Variants in SLC12A5 observed in about 807,000 individuals in gnomAD.
SLC12A5 encodes the protein solute carrier family 12 member 5.
Under a neutral mutation model 124.0 loss-of-function variants are expected in SLC12A5, and 18 were observed. The observed-to-expected ratio is 0.15, with a 90% CI of 0.10 to 0.22. SLC12A5 has a LOEUF of 0.22. Ranked by LOEUF, SLC12A5 falls within the 10% of genes least tolerant of loss-of-function variation. SLC12A5 has a pLI of 1.00. For missense variants in SLC12A5, 867 were observed against 1,478.7 expected (o/e 0.59, Z 6.78); for synonymous variants, 589 against 568.0 (o/e 1.04, Z -0.53).
In SLC12A5 at chr20:46,057,838, G is replaced by T. The variant is rs2084711428; in HGVS notation, c.*233G>T. On this transcript the variant is annotated 3_prime_UTR_variant, in exon 26 of 26. Coordinates refer to ENST00000243964, the MANE Select transcript of SLC12A5 (RefSeq NM_020708.5). This position sits in a 1 kb window ranked among gnomAD's most constrained non-coding sequence, Gnocchi z 7.1. ...CCAGTTTGGCCCCTGGGTCTTCGCT[G>T]CCCTTTTTCTAAGCCCGGCCTCGTC... The T allele has an allele frequency of 6.3e-6, 3 of 472,800 alleles. No individual in the cohort carries two copies. Among genetic ancestry groups the T allele is most frequent in the Non-Finnish European group, 1.1e-5 (3 of 270,138 alleles). 29.3% of individuals were successfully genotyped at this position (472,800 alleles called of 1,614,324 possible). A position where few individuals can be genotyped will look rare whatever the true frequency, so the allele number is the denominator to read the frequency against.
intron 4 of SLC12A5, among the ~76,000 whole-genome samples, chr20:46,036,388 T>A (rs556975441): frequency 6.6e-6 from 1 of 152,322 alleles, no homozygotes; most frequent in East Asian, 1.9e-4. Context: ...CAGCTCTGCA[T>A]GTGAGGTACG....
At chr20:46,049,919 C>T in intron 17 of SLC12A5, 129 bp downstream of exon 17, 1 of 1,211,442 alleles carries the variant, frequency 8.3e-7, no homozygotes, top group South Asian at 1.6e-5. Flanking sequence ...TTTTCTTTTC[C>T]TTAGAGGAAG....
chr20:46,022,897 G>T (rs1453998980), intron 1 of SLC12A5: 5 of 396,038 alleles, frequency 1.3e-5, no homozygotes, highest in African/African-American at 2.1e-5. Flanking sequence ...GAGGCCCTCG[G>T]GTCTGGAAGG....
At chr20:46,044,487 T>C (rs537764887) in intron 11 of SLC12A5, among the ~76,000 whole-genome samples, 40 of 152,338 alleles carry the variant, frequency 2.6e-4, no homozygotes, top group African/African-American at 9.6e-4. Flanking sequence ...TTATCCTTCC[T>C]GCTTTTAAGG....
chr20:46,027,968 G>A (rs1568854984), upstream of SLC12A5, among the ~76,000 whole-genome samples: 1 of 152,184 alleles, frequency 6.6e-6, no homozygotes, highest in Non-Finnish European at 1.5e-5. Context: ...GCTAGTACCA[G>A]TGTGAAGATT....
At chr20:46,023,383 C>A (rs192344036) in exon 3 of SLC12A5, 336 of 398,742 alleles carry the variant, frequency 8.4e-4, no homozygotes, top group Non-Finnish European at 1.3e-3. Context: ...TCCAACTGAT[C>A]CCCACGTCTT....
At chr20:46,021,846 G>A in exon 1 of SLC12A5, 5 of 1,532,706 alleles carry the variant, frequency 3.3e-6, no homozygotes, top group Admixed American at 2.0e-5. Flanking sequence ...GCCGGCATTC[G>A]GTCGCAGACC....
intron 11 of SLC12A5, among the ~76,000 whole-genome samples, chr20:46,044,580 C>T (rs950961231): frequency 6.6e-6 from 1 of 152,120 alleles, no homozygotes. Context: ...TGTGCGCATG[C>T]CTGCAGCTGT....
chr20:46,030,965 G>A (rs554616067), intron 1 of SLC12A5, among the ~76,000 whole-genome samples: 15 of 152,138 alleles, frequency 9.9e-5, no homozygotes, highest in Non-Finnish European at 1.8e-4. Flanking sequence ...CTGGCCGGAG[G>A]GGGAGGGGGT....
At chr20:46,041,003 T>A in intron 7 of SLC12A5, 1 of 394,934 alleles carries the variant, frequency 2.5e-6, no homozygotes, top group Non-Finnish European at 4.7e-6. Context: ...GACACAGAAG[T>A]CTACAGGGTC....
At chr20:46,022,087 C>A in intron 1 of SLC12A5, 1 of 618,162 alleles carries the variant, frequency 1.6e-6, no homozygotes, top group Non-Finnish European at 2.5e-6. Context: ...GGGGGAGGGG[C>A]CAAACGCGAG....
rs772134770 is a variant in SLC12A5 at position 46,035,481 on chromosome 20, T to C, written c.225T>C (p.Ser75=). The C allele has an allele frequency of 6.2e-6, 10 of 1,610,512 alleles. No homozygotes were observed. In the South Asian group the frequency reaches 1.1e-4, roughly 18 times the overall value. The change falls in exon 3 of 26, where the codon AGT becomes AGC. Residue 75 remains serine, a synonymous_variant. Transcript: ENST00000243964. ...LANYTNLPQG[S]REHEEAENNE... ...ACTACACCAACCTGCCCCAGGGAAG[T>C]AGGGAGCATGAAGAGGCAGAAAACA...
At chr20:46,042,044 C>A (rs2084552829) in intron 8 of SLC12A5, among the ~76,000 whole-genome samples, 1 of 152,164 alleles carries the variant, frequency 6.6e-6, no homozygotes, top group East Asian at 1.9e-4. Context: ...GAAATTGCAA[C>A]CAGAAGAACA....
In SLC12A5 at chr20:46,043,313, C is replaced by T. The variant is rs2084564294; in HGVS notation, c.1227C>T (p.Pro409=). ...CCCTGCTGGTTGGCATCTACTTCCCCTCAGTCACAGGTGAAGGGGAGCTCA... is the reference window on the plus strand; with the variant it reads ...CCCTGCTGGTTGGCATCTACTTCCCTTCAGTCACAGGTGAAGGGGAGCTCA... ...YFTLLVGIYF[P]SVTGIMAGSN... is the part of the protein sequence containing the mutation. The change falls in exon 9 of 26, where the codon CCC becomes CCT. Residue 409 remains proline (P), a synonymous_variant. Coordinates refer to ENST00000243964, the MANE Select transcript of SLC12A5 (RefSeq NM_020708.5). 3 of 1,613,936 alleles carry T rather than the reference C, an allele frequency of 1.9e-6. No homozygotes were observed. The highest frequency in any genetic ancestry group is 1.3e-5 in the African/African-American group (1 of 74,920).
At chr20:46,037,953 A>G (rs1000215395) in intron 6 of SLC12A5, among the ~76,000 whole-genome samples, 2 of 152,182 alleles carry the variant, frequency 1.3e-5, no homozygotes, top group African/African-American at 4.8e-5. Context: ...TCTGTTGGGA[A>G]TAGTGACTGA....
upstream of SLC12A5, chr20:46,027,533 T>A (rs1377736294): frequency 6.6e-6 from 1 of 152,222 alleles, no homozygotes; most frequent in Non-Finnish European, 1.5e-5. Context: ...TTCTGGAGGC[T>A]TCCCCTTCAG....
intron 4 of SLC12A5, 58 bp from the exon 5 acceptor site, chr20:46,036,683 A>AC: frequency 1.3e-6 from 2 of 1,595,948 alleles, no homozygotes; most frequent in Non-Finnish European, 1.7e-6. Context: ...CTTGGCCCCC[A>AC]CCCAGGCCAC....
intron 8 of SLC12A5, 78 bp downstream of exon 8, chr20:46,041,618 T>G (rs911255624): frequency 9.7e-6 from 14 of 1,436,072 alleles, no homozygotes; most frequent in Middle Eastern, 1.9e-4. Context: ...TAAGGGGCCC[T>G]CCTTGGGATT....
chr20:46,035,375 C>T, intron 2 of SLC12A5, 29 bp from the exon 3 acceptor site: 2 of 1,600,214 alleles, frequency 1.2e-6, no homozygotes, highest in Non-Finnish European at 1.7e-6. Flanking sequence ...CTCCCCCAGC[C>T]TCCTAGCACT....
Sources: allele counts gnomAD v4.1 joint callset (sites outside exome capture counted in the v4.1 genomes callset), GRCh38; gene constraint gnomAD v4.1.1; non-coding constraint Gnocchi (gnomAD v3.1); transcripts MANE v1.5; gene names NCBI Gene and HGNC (gene_info 2026-07-23, HGNC 2026-07-21).